Variants in RPL37 observed in about 807,000 individuals in gnomAD.
The protein encoded by RPL37 is ribosomal protein L37, also known as large ribosomal subunit protein eL37.
In RPL37, 1 loss-of-function variant was observed where a neutral mutation model predicts 14.8. That is an observed-to-expected ratio of 0.07 (90% CI 0.02 to 0.32). The LOEUF (loss-of-function observed/expected upper bound fraction) is 0.32. RPL37 is among the 10% of genes least tolerant of loss of function. The pLI, the probability that RPL37 is intolerant of heterozygous loss-of-function variation, is 1.00. For missense variants in RPL37, 100 were observed against 128.3 expected (o/e 0.78, Z 1.06); for synonymous variants, 53 against 45.8 (o/e 1.16, Z -0.63).
chr5:40,833,547 G>A (rs966169501), intron 3 of RPL37, among the ~76,000 whole-genome samples: 4 of 152,100 alleles, frequency 2.6e-5, no homozygotes, highest in African/African-American at 9.7e-5. Context: ...AGAGCCCAAG[G>A]CAACAGCAGC....
intron 2 of RPL37, 33 bp from the exon 3 acceptor site, chr5:40,834,298 G>C (rs751936035): frequency 1.9e-6 from 3 of 1,599,414 alleles, no homozygotes; most frequent in Non-Finnish European, 2.6e-6. Context: ...ATTTCAAACG[G>C]TGTTCTCCCA....
chr5:40,833,610 T>C (rs991170337), intron 3 of RPL37, among the ~76,000 whole-genome samples: 5 of 152,210 alleles, frequency 3.3e-5, no homozygotes, highest in African/African-American at 1.2e-4. Flanking sequence ...TACTAAAGGT[T>C]GAACCAAGCC....
At position 40,828,918 on chromosome 5, in the gene RPL37, A is replaced by G. The variant is rs1745575396; in HGVS notation, c.*3586T>C. ...CTCCCTCTCTCCACTTCTGTCTCCA[A>G]TGGACATCTCCCCAAATCTTACTTT... On this transcript the variant is annotated 3_prime_UTR_variant, in exon 4 of 4. Transcript: ENST00000274242. The G allele has an allele frequency of 6.6e-6, 1 of 152,194 alleles. No homozygotes were observed. Among genetic ancestry groups the G allele is most frequent in the Non-Finnish European group, 1.5e-5 (1 of 68,042 alleles). The allele number at this position is 152,194 out of a possible 1,614,324, so 9.4% of individuals were successfully genotyped here. A position where few individuals can be genotyped will look rare whatever the true frequency, so the allele number is the denominator to read the frequency against.
chr5:40,833,830 C>G (rs1233040344), intron 3 of RPL37: 1 of 202,060 alleles, frequency 4.9e-6, no homozygotes, highest in African/African-American at 2.4e-5. Context: ...CTGGCCTGAG[C>G]CCAGGAGTTC....
chr5:40,827,502 G>C lies in RPL37; in HGVS notation c.*5002C>G, dbSNP rs1745543566. 1 of 152,172 alleles carries C rather than the reference G, an allele frequency of 6.6e-6. No individual in the cohort carries two copies. Among genetic ancestry groups the C allele is most frequent in the African/African-American group, 2.4e-5 (1 of 41,430 alleles). The allele number at this position is 152,172 out of a possible 1,614,324, so 9.4% of individuals were successfully genotyped here. ...TGAAAATACTTTTTGTTATCTGTGA[G>C]TAATCTAAAAATACATGGGTCAGGT... On this transcript the variant is annotated 3_prime_UTR_variant, in exon 4 of 4. Transcript: ENST00000274242.
chr5:40,835,087 T>G, intron 1 of RPL37, 96 bp downstream of exon 1: 1 of 1,556,616 alleles, frequency 6.4e-7, no homozygotes, highest in Non-Finnish European at 8.8e-7. Context: ...CAGTTCCCCT[T>G]ATCCGGAATC....
intron 3 of RPL37, 171 bp from the exon 4 acceptor site, chr5:40,832,744 T>G: frequency 1.3e-6 from 1 of 748,050 alleles, no homozygotes. Flanking sequence ...CTGAAATTCT[T>G]CACTTTGCTT....
rs534172701 is a variant in RPL37 at position 40,832,168 on chromosome 5, T to G, written c.*336A>C. On this transcript the variant is annotated 3_prime_UTR_variant, in exon 4 of 4. Coordinates refer to ENST00000274242, the MANE Select transcript of RPL37 (RefSeq NM_000997.5). ...GCTAAAGGTAATTTAAACATCATAC[T>G]CTTTCAAATTTACTCAAACATCTAA... 3.6e-6 allele frequency: 1 copy of G among 275,630 alleles called. No homozygotes were observed. Among genetic ancestry groups the G allele is most frequent in the South Asian group, 4.4e-5 (1 of 22,912 alleles). 17.1% of individuals were successfully genotyped at this position (275,630 alleles called of 1,614,324 possible).
intron 3 of RPL37, 73 bp downstream of exon 3, chr5:40,834,108 T>A: frequency 9.5e-7 from 1 of 1,054,188 alleles, no homozygotes; most frequent in South Asian, 1.3e-5. Context: ...GGTACTGTTA[T>A]CTTTTTACAA....
rs2112148046 is a variant in RPL37, at chr5:40,826,180, G to GTA, written c.*6323_*6324insTA. ...TAATTTTAATCATTTTTAAGGCAAA[G>GTA]AAAATACTTTTTACATTTGCTAGAT... On this transcript the variant is annotated 3_prime_UTR_variant, in exon 4 of 4. Coordinates refer to ENST00000274242, the MANE Select transcript of RPL37 (RefSeq NM_000997.5). 1.3e-5 allele frequency: 2 copies of GTA among 152,232 alleles called. No individual in the cohort carries two copies. Among genetic ancestry groups the GTA allele is most frequent in the South Asian group, 4.1e-4 (2 of 4,824 alleles). 9.4% of individuals were successfully genotyped at this position (152,232 alleles called of 1,614,324 possible).
rs1745522639 is a variant in RPL37, at chr5:40,826,571, C to T, written c.*5933G>A. On this transcript the variant is annotated 3_prime_UTR_variant, in exon 4 of 4. Transcript: ENST00000274242. ...AACTTCAAGGAAGCCCTTCAGAGAG[C>T]TTTGAAATGTGTTTCGTACAACCAT... 1 of 152,172 alleles carries T rather than the reference C, an allele frequency of 6.6e-6. No individual in the cohort carries two copies. The highest frequency in any genetic ancestry group is 1.5e-5 in the Non-Finnish European group (1 of 68,032). 9.4% of individuals were successfully genotyped at this position (152,172 alleles called of 1,614,324 possible). A position where few individuals can be genotyped will look rare whatever the true frequency, so the allele number is the denominator to read the frequency against.
Position 40,832,384 on chromosome 5 carries a change from C to A in RPL37, c.*120G>T. On this transcript the variant is annotated 3_prime_UTR_variant, in exon 4 of 4. Transcript: ENST00000274242. ...AAATCTGATATGAAGCTAGCCCAGT[C>A]CCTAAACCTACAGTATTTCACTGAT... 1.2e-6 allele frequency: 1 copy of A among 864,916 alleles called. No homozygotes were observed. Among genetic ancestry groups the A allele is most frequent in the South Asian group, 1.3e-5 (1 of 74,802 alleles). The allele number at this position is 864,916 out of a possible 1,614,324, so 53.6% of individuals were successfully genotyped here. A position where few individuals can be genotyped will look rare whatever the true frequency, so the allele number is the denominator to read the frequency against.
chr5:40,827,620 G>A lies in RPL37; in HGVS notation c.*4884C>T, dbSNP rs1426047381. On this transcript the variant is annotated 3_prime_UTR_variant, in exon 4 of 4. Transcript: ENST00000274242. ...TTTGATCTGAATCCAATCCACACAC[G>A]ATGCTTATTCTACATACTCGTGTAC... is the stretch of plus-strand genomic sequence containing the variant. 6.6e-6 allele frequency: 1 copy of A among 151,970 alleles called. No homozygotes were observed. Among genetic ancestry groups the A allele is most frequent in the Admixed American group, 6.6e-5 (1 of 15,244 alleles). The allele number at this position is 151,970 out of a possible 1,614,324, so 9.4% of individuals were successfully genotyped here.
rs941783340 is a variant in RPL37 at position 40,833,932 on chromosome 5, G to A, written c.224+249C>T. 10 of 480,596 alleles carry A rather than the reference G, an allele frequency of 2.1e-5. No individual in the cohort carries two copies. The South Asian group carries it at 2.1e-4, about 10-fold the overall frequency. The allele number at this position is 480,596 out of a possible 1,614,324, so 29.8% of individuals were successfully genotyped here. Reference sequence around the variant, plus strand: ...TGTGGCAGCGCACACCTGTAGTCCCGGGTACTCGGGCGGCTGAGATGAGAT... The same window carrying A: ...TGTGGCAGCGCACACCTGTAGTCCCAGGTACTCGGGCGGCTGAGATGAGAT... On this transcript the variant is annotated intron_variant, in intron 3 of 3. Coordinates refer to ENST00000274242, the MANE Select transcript of RPL37 (RefSeq NM_000997.5).
intron 1 of RPL37, 27 bp downstream of exon 1, chr5:40,835,156 T>G (rs372142785): frequency 3.7e-6 from 6 of 1,614,044 alleles, no homozygotes; most frequent in Non-Finnish European, 4.2e-6. Context: ...TGGAACGCGA[T>G]TCACAAACAC....
rs1004530053 is a variant in RPL37, at chr5:40,829,213, C to T, written c.*3291G>A. The T allele has an allele frequency of 2.6e-5, 4 of 152,214 alleles. No individual in the cohort carries two copies. The highest frequency in any genetic ancestry group is 2.6e-4 in the Admixed American group (4 of 15,280). The allele number at this position is 152,214 out of a possible 1,614,324, so 9.4% of individuals were successfully genotyped here. ...TCCCGGACAGCCCCACAGCCACTGC[C>T]TTAGTCTGTCATGATTTTCACATGA... On this transcript the variant is annotated 3_prime_UTR_variant, in exon 4 of 4. Transcript: ENST00000274242.
rs926284985 is a variant in RPL37, at chr5:40,830,425, A to G, written c.*2079T>C. On this transcript the variant is annotated 3_prime_UTR_variant, in exon 4 of 4. Coordinates refer to ENST00000274242, the MANE Select transcript of RPL37 (RefSeq NM_000997.5). Reference sequence around the variant, plus strand: ...AGTCCAAGACCAGCCTGGGCAACATAGTTTAACTCCATCTCCAATGCAAGA... The same window carrying G: ...AGTCCAAGACCAGCCTGGGCAACATGGTTTAACTCCATCTCCAATGCAAGA... 1.3e-5 allele frequency: 2 copies of G among 151,854 alleles called. No individual in the cohort carries two copies. Among genetic ancestry groups the G allele is most frequent in the Non-Finnish European group, 2.9e-5 (2 of 68,006 alleles). 9.4% of individuals were successfully genotyped at this position (151,854 alleles called of 1,614,324 possible).
At chr5:40,834,126 C>G in intron 3 of RPL37, 55 bp downstream of exon 3, 1 of 1,189,516 alleles carries the variant, frequency 8.4e-7, no homozygotes, top group Non-Finnish European at 1.3e-6. Context: ...CAAGTAAACA[C>G]GAGGGTTTCA....
rs1745585449 is a variant in RPL37, at chr5:40,829,238, A to C, written c.*3266T>G. 1 of 152,220 alleles carries C rather than the reference A, an allele frequency of 6.6e-6. No homozygotes were observed. 9.4% of individuals were successfully genotyped at this position (152,220 alleles called of 1,614,324 possible). ...CTTAGTCTGTCATGATTTTCACATG[A>C]ACTATTTAAGAACCTGTTACCTAGT... On this transcript the variant is annotated 3_prime_UTR_variant, in exon 4 of 4. Transcript: ENST00000274242.
Sources: gnomAD v4.1 joint callset for allele counts (sites outside exome capture counted in the v4.1 genomes callset) on GRCh38, gnomAD v4.1.1 for gene constraint, MANE v1.5 for transcripts, NCBI Gene and HGNC (gene_info 2026-07-23, HGNC 2026-07-21) for gene names.